FAM20A: variants seen among roughly 807,000 people sequenced by gnomAD.
FAM20A encodes the protein pseudokinase FAM20A.
FAM20A carries 42 observed loss-of-function variants against 52.0 expected under a neutral mutation model. The observed-to-expected ratio is 0.81, with a 90% CI of 0.63 to 1.04. The LOEUF is 1.04. Ranked by LOEUF, FAM20A falls within the 50% of genes least tolerant of loss-of-function variation. FAM20A has a pLI of 0.00. For missense variants in FAM20A, 742 were observed against 712.7 expected (o/e 1.04, Z -0.47); for synonymous variants, 304 against 298.9 (o/e 1.02, Z -0.18).
intron 10 of FAM20A, among the ~76,000 whole-genome samples, chr17:68,538,022 C>T (rs1244301236): frequency 6.6e-6 from 1 of 152,128 alleles, no homozygotes; most frequent in Non-Finnish European, 1.5e-5. Context: ...TCTCTGACAA[C>T]GCTAAGGGAA....
chr17:68,588,056 C>A (rs1223716641), intron 1 of FAM20A, among the ~76,000 whole-genome samples: 1 of 151,758 alleles, frequency 6.6e-6, no homozygotes, highest in African/African-American at 2.4e-5. Flanking sequence ...GCATCTGCAG[C>A]CTTGGTAGGA....
intron 4 of FAM20A, among the ~76,000 whole-genome samples, chr17:68,546,187 A>AG (rs886755561): frequency 3.1e-5 from 3 of 95,796 alleles, no homozygotes; most frequent in Non-Finnish European, 4.8e-5. Flanking sequence ...AAAAAAAAAA[A>AG]AAAAAAAAGC....
At chr17:68,592,931 A>G (rs1255072308) in intron 1 of FAM20A, among the ~76,000 whole-genome samples, 2 of 152,150 alleles carry the variant, frequency 1.3e-5, no homozygotes, top group Admixed American at 1.3e-4. Context: ...GGCTGCCCCC[A>G]GTGCTTGGTC....
chr17:68,556,469 A>C (rs58484996), intron 1 of FAM20A, among the ~76,000 whole-genome samples: 24,243 of 152,060 alleles, frequency 0.16, 1,969 homozygotes, highest in South Asian at 0.19. Context: ...CAGATGGAAA[A>C]GCCTTAACAT....
intron 4 of FAM20A, among the ~76,000 whole-genome samples, chr17:68,546,360 C>A (rs2086566573): frequency 6.6e-6 from 1 of 151,946 alleles, no homozygotes; most frequent in Non-Finnish European, 1.5e-5. Flanking sequence ...TGAGATCAAT[C>A]TTCTTTTAAA....
chr17:68,589,188 T>A (rs2088236832), intron 1 of FAM20A, among the ~76,000 whole-genome samples: 1 of 152,196 alleles, frequency 6.6e-6, no homozygotes. Context: ...TCCTGGAGAA[T>A]GAGAGGTGGA....
chr17:68,542,916 A>G lies in FAM20A; in HGVS notation c.813-107T>C, dbSNP rs574432789. On this transcript the variant is annotated intron_variant, in intron 5 of 10. Coordinates refer to ENST00000592554, the MANE Select transcript of FAM20A (RefSeq NM_017565.4). ...TTAGGAATTGGCTGGTGTACCCAGG[A>G]GGGTGGCCGGTGAGGCGTGACTCTG... 69 of 865,058 alleles carry G rather than the reference A, an allele frequency of 8.0e-5. 1 individual carries two copies. In the East Asian group the frequency reaches 1.7e-3, roughly 21 times the overall value. 53.6% of individuals were successfully genotyped at this position (865,058 alleles called of 1,614,324 possible).
At chr17:68,591,067 A>AG (rs753320085) in intron 1 of FAM20A, among the ~76,000 whole-genome samples, 12 of 150,898 alleles carry the variant, frequency 8.0e-5, no homozygotes, top group Non-Finnish European at 1.3e-4. Flanking sequence ...GAGGGAATAG[A>AG]GACAAAGACA....
intron 1 of FAM20A, among the ~76,000 whole-genome samples, chr17:68,568,532 A>T (rs2087447104): frequency 6.6e-6 from 1 of 151,844 alleles, no homozygotes; most frequent in Admixed American, 6.5e-5. Flanking sequence ...TTACTGTGTC[A>T]TACTTCAGGA....
At chr17:68,599,552 C>CAT (rs1301469089) in intron 1 of FAM20A, among the ~76,000 whole-genome samples, 2 of 152,194 alleles carry the variant, frequency 1.3e-5, no homozygotes, top group Non-Finnish European at 2.9e-5. Context: ...CATCAAGCCG[C>CAT]AGATCCAAGT....
At chr17:68,558,126 G>A (rs777677375) in intron 1 of FAM20A, among the ~76,000 whole-genome samples, 7 of 152,092 alleles carry the variant, frequency 4.6e-5, no homozygotes, top group Non-Finnish European at 7.3e-5. Context: ...ACTATTGTTG[G>A]GTCAAGTGGA....
intron 1 of FAM20A, chr17:68,590,115 A>G (rs1354440639): frequency 6.6e-6 from 1 of 152,230 alleles, no homozygotes; most frequent in Non-Finnish European, 1.5e-5. Flanking sequence ...TAAATTATAT[A>G]AAAATTACCT....
chr17:68,560,394 A>G (rs2087179875), intron 1 of FAM20A, among the ~76,000 whole-genome samples: 1 of 151,720 alleles, frequency 6.6e-6, no homozygotes, highest in Admixed American at 6.6e-5. Context: ...CTCTCCCACT[A>G]TGTGAAGAGA....
At chr17:68,577,751 T>C (rs142713175) in intron 1 of FAM20A, among the ~76,000 whole-genome samples, 56 of 152,302 alleles carry the variant, frequency 3.7e-4, no homozygotes, top group African/African-American at 1.3e-3. Flanking sequence ...TCAGAGCCTC[T>C]CCACTCCTTC....
At chr17:68,567,377 C>G (rs975360319) in intron 1 of FAM20A, among the ~76,000 whole-genome samples, 1 of 151,952 alleles carries the variant, frequency 6.6e-6, no homozygotes, top group Non-Finnish European at 1.5e-5. Context: ...TTAAAAACAT[C>G]TACATTCAAC....
intron 1 of FAM20A, among the ~76,000 whole-genome samples, chr17:68,556,915 G>A (rs573646563): frequency 3.2e-4 from 49 of 152,218 alleles, no homozygotes; most frequent in African/African-American, 9.1e-4. Context: ...AGATTTGGGC[G>A]TGTCCAATTT....
chr17:68,571,405 T>G (rs1463131210), intron 1 of FAM20A, among the ~76,000 whole-genome samples: 1 of 152,228 alleles, frequency 6.6e-6, no homozygotes, highest in Non-Finnish European at 1.5e-5. Context: ...AGCTCCATCA[T>G]ACTCCAAAAC....
intron 1 of FAM20A, among the ~76,000 whole-genome samples, chr17:68,566,576 A>G (rs2087383480): frequency 6.6e-6 from 1 of 152,248 alleles, no homozygotes; most frequent in Non-Finnish European, 1.5e-5. Flanking sequence ...ATGCTACAGC[A>G]GGGTCAAAGA....
chr17:68,578,838 CAAA>C (rs5821664), intron 1 of FAM20A, among the ~76,000 whole-genome samples: 18 of 36,072 alleles, frequency 5.0e-4, no homozygotes, highest in African/African-American at 1.8e-3. Flanking sequence ...CTAAAAATAC[CAAA>C]AAAAAAAAAA....
Sources: allele counts gnomAD v4.1 joint callset (sites outside exome capture counted in the v4.1 genomes callset), GRCh38; gene constraint gnomAD v4.1.1; transcripts MANE v1.5; gene names NCBI Gene and HGNC (gene_info 2026-07-23, HGNC 2026-07-21).